Variants in ENY2 observed in about 807,000 individuals in gnomAD.
The protein encoded by ENY2 is ENY2 transcription and export complex 2 subunit.
In ENY2, 4 loss-of-function variants were observed where a neutral mutation model predicts 15.9. That is an observed-to-expected ratio of 0.25 (90% confidence interval 0.12 to 0.57). The LOEUF (loss-of-function observed/expected upper bound fraction) is 0.57. Ranked by LOEUF, ENY2 falls within the 20% of genes least tolerant of loss-of-function variation. ENY2 has a pLI of 0.91. For missense variants in ENY2, 54 were observed against 117.2 expected (o/e 0.46, Z 2.49); for synonymous variants, 48 against 38.0 (o/e 1.26, Z -0.97).
At chr8:109,342,514 CTTT>C (rs11316616) in intron 4 of ENY2, among the ~76,000 whole-genome samples, 3 of 139,522 alleles carry the variant, frequency 2.2e-5, no homozygotes, top group Non-Finnish European at 3.1e-5. Flanking sequence ...TATATATACC[CTTT>C]TTTTTTTTTT....
chr8:109,335,508 A>G (rs1009658402), intron 1 of ENY2: 1 of 151,688 alleles, frequency 6.6e-6, no homozygotes, highest in African/African-American at 2.4e-5. Context: ...GATTACAGAC[A>G]CCTGCCACCA....
chr8:109,343,384 T>A (rs1475454505), intron 4 of ENY2, 21 bp from the exon 5 acceptor site: 1 of 1,591,712 alleles, frequency 6.3e-7, no homozygotes, highest in Admixed American at 1.8e-5. Context: ...TTACTCTTAT[T>A]TTTTTATTTT....
At chr8:109,334,533 A>G in intron 1 of ENY2, 59 bp downstream of exon 1, 1 of 1,581,222 alleles carries the variant, frequency 6.3e-7, no homozygotes, top group South Asian at 1.1e-5. Flanking sequence ...GCTCCTTTCG[A>G]TGTACTGTCT....
chr8:109,341,795 A>G (rs981554140), intron 4 of ENY2, among the ~76,000 whole-genome samples: 6 of 152,292 alleles, frequency 3.9e-5, no homozygotes, highest in Middle Eastern at 3.4e-3. Context: ...AACTTTATAC[A>G]TATGTATAGG....
intron 1 of ENY2, 68 bp downstream of exon 1, chr8:109,334,542 C>CT: frequency 6.5e-7 from 1 of 1,548,094 alleles, no homozygotes; most frequent in Middle Eastern, 1.7e-4. Context: ...GATGTACTGT[C>CT]TTTCGTTAGC....
In ENY2 at chr8:109,345,175, T is replaced by G. The variant is rs1372377760; in HGVS notation, c.*1694T>G. The G allele has an allele frequency of 6.6e-6, 1 of 152,192 alleles. No individual in the cohort carries two copies. The highest frequency in any genetic ancestry group is 2.1e-4 in the South Asian group (1 of 4,830). 9.4% of individuals were successfully genotyped at this position (152,192 alleles called of 1,614,324 possible). A position where few individuals can be genotyped will look rare whatever the true frequency, so the allele number is the denominator to read the frequency against. On this transcript the variant is annotated 3_prime_UTR_variant, in exon 5 of 5. Transcript: ENST00000521688. ...GACTTAGATCCCCCACTACTGTTTT[T>G]CTGTGAGAAGCAGCTATGCATAATT...
chr8:109,344,429 A>G lies in ENY2; in HGVS notation c.*948A>G, dbSNP rs1488755842. 2.0e-5 allele frequency: 3 copies of G among 152,206 alleles called. No individual in the cohort carries two copies. The highest frequency in any genetic ancestry group is 7.2e-5 in the African/African-American group (3 of 41,428). The allele number at this position is 152,206 out of a possible 1,614,324, so 9.4% of individuals were successfully genotyped here. ...AAACTTGCGTCAGACCGTGACTTCA[A>G]ATACAGGTTGATAAATGCTAAACTG... On this transcript the variant is annotated 3_prime_UTR_variant, in exon 5 of 5. Coordinates refer to ENST00000521688, the MANE Select transcript of ENY2 (RefSeq NM_020189.6).
At chr8:109,336,336 C>A in intron 2 of ENY2, 132 bp downstream of exon 2, 2 of 806,942 alleles carry the variant, frequency 2.5e-6, no homozygotes, top group Non-Finnish European at 3.8e-6. Context: ...CTATTCCGAA[C>A]ATCTGGAAAA....
rs374512551 is a variant in ENY2, at chr8:109,336,179, T to C, written c.58T>C (p.Leu20=). 7.4e-6 allele frequency: 12 copies of C among 1,613,264 alleles called. No homozygotes were observed. Among genetic ancestry groups the C allele is most frequent in the Non-Finnish European group, 1.0e-5 (12 of 1,179,490 alleles). The change falls in exon 2 of 5, where the codon TTG becomes CTG. Residue 20 remains leucine, a synonymous_variant. Coordinates refer to ENST00000521688, the MANE Select transcript of ENY2 (RefSeq NM_020189.6). ...GATGAGAGCAGCGATTAACCAAAAG[T>C]TGATAGAAACTGGAGAAAGAGAACG... is the stretch of plus-strand genomic sequence containing the variant. ...AQMRAAINQK[L]IETGERERLK... is the part of the protein sequence containing the mutation.
chr8:109,339,172 T>C, intron 2 of ENY2, 148 bp from the exon 3 acceptor site: 1 of 640,230 alleles, frequency 1.6e-6, no homozygotes, highest in South Asian at 2.0e-5. Flanking sequence ...CAAAGAACTA[T>C]TTAGCATTTG....
chr8:109,336,241 C>T (rs372434155), intron 2 of ENY2, 37 bp downstream of exon 2: 51 of 1,509,260 alleles, frequency 3.4e-5, no homozygotes, highest in Middle Eastern at 1.7e-4. Flanking sequence ...TACATTTCAC[C>T]GCCTTTAATA....
At chr8:109,337,556 C>T (rs1489445888) in intron 2 of ENY2, among the ~76,000 whole-genome samples, 1 of 151,744 alleles carries the variant, frequency 6.6e-6, no homozygotes, top group Non-Finnish European at 1.5e-5. Flanking sequence ...ACTAGAGGAA[C>T]AATAAAGCAG....
intron 2 of ENY2, among the ~76,000 whole-genome samples, chr8:109,337,719 T>C (rs1049575772): frequency 1.1e-4 from 17 of 152,090 alleles, no homozygotes; most frequent in Non-Finnish European, 2.4e-4. Flanking sequence ...CTGGCTAACA[T>C]GGTGAAACCC....
Position 109,345,052 on chromosome 8 carries a change from T to A in ENY2, c.*1571T>A, listed in dbSNP as rs564933982. On this transcript the variant is annotated 3_prime_UTR_variant, in exon 5 of 5. Transcript: ENST00000521688. ...ACTATGAAGTTGTTTCATCCGTAAG[T>A]ACCTTTGAACCCAGAAGCCCCCTTT... 6.6e-6 allele frequency: 1 copy of A among 152,346 alleles called. No homozygotes were observed. The highest frequency in any genetic ancestry group is 2.1e-4 in the South Asian group (1 of 4,822). 9.4% of individuals were successfully genotyped at this position (152,346 alleles called of 1,614,324 possible). A position where few individuals can be genotyped will look rare whatever the true frequency, so the allele number is the denominator to read the frequency against.
chr8:109,340,294 CT>C, intron 3 of ENY2, 194 bp from the exon 4 acceptor site: 1 of 672,004 alleles, frequency 1.5e-6, no homozygotes, highest in Non-Finnish European at 2.4e-6. Context: ...TTAGCTGAGA[CT>C]TACGAACAAC....
chr8:109,340,989 A>G (rs2980575), intron 4 of ENY2, among the ~76,000 whole-genome samples: 54,550 of 151,926 alleles, frequency 0.36, 10,139 homozygotes, highest in Admixed American at 0.46. Flanking sequence ...TTAAATGTCT[A>G]CTTAAGAATT....
At chr8:109,336,085 C>A in intron 1 of ENY2, 43 bp from the exon 2 acceptor site, 1 of 1,589,554 alleles carries the variant, frequency 6.3e-7, no homozygotes, top group Non-Finnish European at 8.6e-7. Context: ...GCAGAAAATG[C>A]TTTGTAAATG....
chr8:109,336,332 C>T (rs567863210), intron 2 of ENY2, 128 bp downstream of exon 2: 30 of 825,870 alleles, frequency 3.6e-5, no homozygotes, highest in Middle Eastern at 5.9e-4. Context: ...GTTTCTATTC[C>T]GAACATCTGG....
At chr8:109,341,745 A>G (rs550291185) in intron 4 of ENY2, among the ~76,000 whole-genome samples, 8 of 152,258 alleles carry the variant, frequency 5.3e-5, no homozygotes, top group African/African-American at 1.9e-4. Context: ...CATACTTTTT[A>G]ACACAGTAAA....
Sources: gnomAD v4.1 joint callset for allele counts (sites outside exome capture counted in the v4.1 genomes callset) on GRCh38, gnomAD v4.1.1 for gene constraint, MANE v1.5 for transcripts, NCBI Gene and HGNC (gene_info 2026-07-23, HGNC 2026-07-21) for gene names.